The following RSU1 variants were observed in gnomAD, a reference collection of about 807,000 sequenced individuals.
RSU1 encodes the protein Ras suppressor protein 1.
In RSU1, 26 loss-of-function variants were observed where a neutral mutation model predicts 31.1. The observed-to-expected ratio is 0.84, with a 90% confidence interval of 0.61 to 1.16. The LOEUF is 1.16. Ranked by LOEUF, RSU1 falls within the 50% of genes most tolerant of loss-of-function variation. The pLI, the probability that RSU1 is intolerant of heterozygous loss-of-function variation, is 0.00. For missense variants in RSU1, 320 were observed against 339.1 expected (o/e 0.94, Z 0.44); for synonymous variants, 164 against 136.3 (o/e 1.20, Z -1.41).
At chr10:16,627,718 T>C (rs1175821188) in intron 8 of RSU1, among the ~76,000 whole-genome samples, 2 of 149,314 alleles carry the variant, frequency 1.3e-5, no homozygotes, top group Non-Finnish European at 3.0e-5. Context: ...GATTGCGCCA[T>C]TGCCCTCCGG....
intron 3 of RSU1, among the ~76,000 whole-genome samples, chr10:16,774,701 A>G (rs1837492760): frequency 6.6e-6 from 1 of 152,226 alleles, no homozygotes; most frequent in Non-Finnish European, 1.5e-5. Context: ...GATGAACACA[A>G]TGGGATCCAC....
At chr10:16,810,163 G>A (rs1277704829) in intron 2 of RSU1, among the ~76,000 whole-genome samples, 7 of 152,050 alleles carry the variant, frequency 4.6e-5, no homozygotes, top group African/African-American at 7.2e-5. Context: ...CCTGGGAGGC[G>A]GAGGTTGCAG....
chr10:16,796,260 T>A (rs1286652586), intron 2 of RSU1, among the ~76,000 whole-genome samples: 1 of 152,142 alleles, frequency 6.6e-6, no homozygotes, highest in Non-Finnish European at 1.5e-5. Context: ...AGTGTTGCCT[T>A]CTCCAATCCT....
Position 16,817,022 on chromosome 10 carries a change from C to T in RSU1, c.60G>A (p.Val20=), listed in dbSNP as rs1468439320. The T allele has an allele frequency of 6.2e-7, 1 of 1,614,102 alleles. No individual in the cohort carries two copies. The highest frequency in any genetic ancestry group is 2.2e-5 in the East Asian group (1 of 44,896). Residue 20 remains valine (V), a synonymous_variant, in exon 2 of 9, where the codon GTG becomes GTA. Transcript: ENST00000345264. The part of the protein sequence containing the change: ...EESREKNQPE[V]DMSDRGISNM... ...TGGAGATGCCCCGGTCACTCATGTC[C>T]ACCTCGGGCTGGTTCTTCTCCCGGC...
At chr10:16,634,636 C>G (rs1004381080) in intron 8 of RSU1, among the ~76,000 whole-genome samples, 1 of 152,122 alleles carries the variant, frequency 6.6e-6, no homozygotes, top group African/African-American at 2.4e-5. Context: ...CTGCTCAACT[C>G]CCATGGGATA....
At chr10:16,801,287 A>C (rs1246195899) in intron 2 of RSU1, among the ~76,000 whole-genome samples, 14 of 152,202 alleles carry the variant, frequency 9.2e-5, no homozygotes, top group Non-Finnish European at 2.9e-5. Flanking sequence ...AGATTATCAG[A>C]AATAAAAAAG....
At chr10:16,716,466 A>C (rs1427948326) in intron 7 of RSU1, among the ~76,000 whole-genome samples, 3 of 152,146 alleles carry the variant, frequency 2.0e-5, no homozygotes, top group African/African-American at 7.2e-5. Context: ...TGCAAGTTTG[A>C]AAATGCTGCT....
intron 2 of RSU1, among the ~76,000 whole-genome samples, chr10:16,783,357 A>C (rs944783455): frequency 5.9e-5 from 6 of 101,144 alleles, no homozygotes; most frequent in African/African-American, 3.9e-4. Flanking sequence ...ACTGACCACA[A>C]CTTTTGCTTT....
chr10:16,640,569 C>T (rs111819292), intron 8 of RSU1, among the ~76,000 whole-genome samples: 1 of 152,246 alleles, frequency 6.6e-6, no homozygotes, highest in Non-Finnish European at 1.5e-5. Context: ...TGCATTCTGA[C>T]CTTCCCTGGG....
intron 6 of RSU1, 113 bp downstream of exon 6, chr10:16,752,805 T>C: frequency 9.7e-7 from 1 of 1,034,826 alleles, no homozygotes; most frequent in Non-Finnish European, 1.5e-6. Flanking sequence ...CTATCAGGAG[T>C]AGTGGTTTAT....
At chr10:16,662,295 C>A (rs1331398444) in intron 8 of RSU1, among the ~76,000 whole-genome samples, 2 of 152,216 alleles carry the variant, frequency 1.3e-5, no homozygotes, top group Non-Finnish European at 2.9e-5. Flanking sequence ...ACAGACAGCA[C>A]TTCTCTTTGA....
chr10:16,717,933 G>A (rs924895766), intron 7 of RSU1, among the ~76,000 whole-genome samples: 8 of 152,172 alleles, frequency 5.3e-5, no homozygotes, highest in Admixed American at 1.3e-4. Context: ...TTTGTTTCCA[G>A]TATTTTTGGA....
At chr10:16,691,841 C>T (rs998141720) in intron 8 of RSU1, among the ~76,000 whole-genome samples, 4 of 149,144 alleles carry the variant, frequency 2.7e-5, no homozygotes, top group Middle Eastern at 3.3e-3. Flanking sequence ...CAGGTTCAAG[C>T]GATTCTCCTG....
intron 8 of RSU1, among the ~76,000 whole-genome samples, chr10:16,645,069 T>C (rs1369439942): frequency 6.6e-6 from 1 of 152,120 alleles, no homozygotes; most frequent in Non-Finnish European, 1.5e-5. Flanking sequence ...GGTCCAGAAG[T>C]TTCAAGATAC....
At chr10:16,670,022 T>A (rs1835077321) in intron 8 of RSU1, among the ~76,000 whole-genome samples, 1 of 152,186 alleles carries the variant, frequency 6.6e-6, no homozygotes, top group African/African-American at 2.4e-5. Flanking sequence ...ACAAATGGTG[T>A]CTAGGTCCAT....
At chr10:16,813,492 A>C (rs2131281700) in intron 2 of RSU1, among the ~76,000 whole-genome samples, 1 of 152,354 alleles carries the variant, frequency 6.6e-6, no homozygotes, top group South Asian at 2.1e-4. Context: ...GTTAACATTT[A>C]ATGTACATTA....
intron 8 of RSU1, among the ~76,000 whole-genome samples, chr10:16,647,943 T>G (rs1834602090): frequency 6.6e-6 from 1 of 151,906 alleles, no homozygotes; most frequent in Non-Finnish European, 1.5e-5. Flanking sequence ...ACTGTGTGCT[T>G]TCTTCTTTTT....
intron 8 of RSU1, among the ~76,000 whole-genome samples, chr10:16,662,415 G>T (rs1008757709): frequency 6.6e-6 from 1 of 152,190 alleles, no homozygotes; most frequent in Non-Finnish European, 1.5e-5. Flanking sequence ...TAAAAGAGAA[G>T]TTACCATATA....
At chr10:16,758,124 C>T (rs1343127388) in intron 4 of RSU1, among the ~76,000 whole-genome samples, 3 of 152,166 alleles carry the variant, frequency 2.0e-5, no homozygotes, top group African/African-American at 7.2e-5. Context: ...GTGCCGCTGA[C>T]AGCAGTAAGT....
Sources: gnomAD v4.1 joint callset for allele counts (sites outside exome capture counted in the v4.1 genomes callset) on GRCh38, gnomAD v4.1.1 for gene constraint, MANE v1.5 for transcripts, NCBI Gene and HGNC (gene_info 2026-07-23, HGNC 2026-07-21) for gene names.